The following ZFHX3 variants were observed in gnomAD, a reference collection of about 807,000 sequenced individuals.
ZFHX3 encodes zinc finger homeobox protein 3.
In ZFHX3, 42 loss-of-function variants were observed where a neutral mutation model predicts 279.1. That is an observed-to-expected ratio of 0.15 (90% CI 0.12 to 0.19). ZFHX3 has a LOEUF of 0.19. Among genes scored for constraint, ZFHX3 ranks in the 10% least tolerant of loss-of-function variants. The pLI, the probability that ZFHX3 is intolerant of heterozygous loss-of-function variation, is 1.00. For synonymous variants in ZFHX3, 2,293 were observed against 1,957.8 expected (o/e 1.17, Z -4.52); for missense variants, 4,981 against 4,754.0 (o/e 1.05, Z -1.40).
rs1961380372 is a variant in ZFHX3 at position 72,958,528 on chromosome 16, G to A, written c.1618C>T (p.Leu540Phe). Residue 540 changes from leucine to phenylalanine, a missense_variant, in exon 2 of 10, where the codon CTC becomes TTC. Around this residue, in one of 7 missense-constraint regions of ZFHX3, gnomAD observed 1,068 missense variants for 935.2 expected, o/e 1.14. Coordinates refer to ENST00000268489, the MANE Select transcript of ZFHX3 (RefSeq NM_006885.4). ...ISNSPLMPNV[L>F]QTLSRGTAST... is the part of the protein sequence containing the mutation. ...GCTGTGCCCCTCGACAGGGTCTGGA[G>A]CACGTTAGGCATTAAGGGGGAGTTA... 6 of 1,614,076 alleles carry A rather than the reference G, an allele frequency of 3.7e-6. No homozygotes were observed. Among genetic ancestry groups the A allele is most frequent in the East Asian group, 2.2e-5 (1 of 44,866 alleles).
At chr16:73,305,215 T>G (rs906624905) in intron 4 of ZFHX3, among the ~76,000 whole-genome samples, 9 of 152,066 alleles carry the variant, frequency 5.9e-5, no homozygotes, top group African/African-American at 2.2e-4. Flanking sequence ...CTGGGCAATT[T>G]CAGAGTCCTC....
At chr16:73,716,951 A>T (rs1297746939) in intron 1 of ZFHX3, among the ~76,000 whole-genome samples, 2 of 152,042 alleles carry the variant, frequency 1.3e-5, no homozygotes, top group South Asian at 4.2e-4. Context: ...GAGGTAAGGG[A>T]AGCGATGAAA....
At chr16:72,804,597 T>C (rs1354327651) in intron 7 of ZFHX3, among the ~76,000 whole-genome samples, 1 of 152,184 alleles carries the variant, frequency 6.6e-6, no homozygotes, top group Non-Finnish European at 1.5e-5. Flanking sequence ...TATTTTGGAT[T>C]ATGTTCTAAT....
At chr16:73,671,558 T>C (rs559157073) in intron 2 of ZFHX3, among the ~76,000 whole-genome samples, 1 of 152,378 alleles carries the variant, frequency 6.6e-6, no homozygotes, top group South Asian at 2.1e-4. Flanking sequence ...TATTAACAAA[T>C]TGGTTTTATT....
Position 73,502,517 on chromosome 16 carries a change from C to A in ZFHX3, c.-1546-46259G>T, listed in dbSNP as rs1251835757. ...TGGCCCAAAATGCTGTCCTGTCCTGCATGGTGTCTAACCACTCCAATCCTC... is the reference window on the plus strand; with the variant it reads ...TGGCCCAAAATGCTGTCCTGTCCTGAATGGTGTCTAACCACTCCAATCCTC... On this transcript the variant is annotated intron_variant, in intron 2 of 17. Coordinates refer to the ZFHX3 transcript ENST00000641206. Among the ~76,000 whole-genome samples the A allele has an allele frequency of 2.0e-5, 3 of 152,190 alleles. No homozygotes were observed. The East Asian group carries it at 5.8e-4, about 29-fold the overall frequency.
chr16:73,635,358 A>G (rs1203174445), intron 2 of ZFHX3, among the ~76,000 whole-genome samples: 1 of 152,168 alleles, frequency 6.6e-6, no homozygotes, highest in African/African-American at 2.4e-5. Flanking sequence ...TGGGTTATTA[A>G]CTACTCAACT....
chr16:73,226,333 G>A (rs1376474281), intron 5 of ZFHX3, among the ~76,000 whole-genome samples: 5 of 152,190 alleles, frequency 3.3e-5, no homozygotes, highest in East Asian at 1.9e-4. Context: ...TCACAGAAAC[G>A]GCTTCGTCCT....
At chr16:73,154,824 G>C (rs1205954715) in intron 5 of ZFHX3, among the ~76,000 whole-genome samples, 1 of 152,022 alleles carries the variant, frequency 6.6e-6, no homozygotes, top group African/African-American at 2.4e-5. Flanking sequence ...AAAATCAAAA[G>C]CAAAGATTGT....
intron 3 of ZFHX3, among the ~76,000 whole-genome samples, chr16:72,937,998 G>C (rs1960212070): frequency 6.6e-6 from 1 of 152,242 alleles, no homozygotes; most frequent in South Asian, 2.1e-4. Context: ...ATGTCTACTT[G>C]TGCTGCATTC....
chr16:73,232,671 T>C (rs1322073078), intron 5 of ZFHX3: 1 of 152,030 alleles, frequency 6.6e-6, no homozygotes, highest in Non-Finnish European at 1.5e-5. Flanking sequence ...AGTTTTGGTA[T>C]CTCCTACGTA....
intron 3 of ZFHX3, among the ~76,000 whole-genome samples, chr16:73,418,501 T>C (rs972284835): frequency 1.3e-5 from 2 of 152,252 alleles, no homozygotes; most frequent in African/African-American, 4.8e-5. Flanking sequence ...TTTCTGACAA[T>C]GAAATGTGTT....
chr16:72,799,308 C>T (rs1039405469), intron 8 of ZFHX3, among the ~76,000 whole-genome samples: 9 of 152,118 alleles, frequency 5.9e-5, no homozygotes, highest in Non-Finnish European at 1.0e-4. Flanking sequence ...TTCAAGTGTT[C>T]AATTATTTAA....
intron 4 of ZFHX3, among the ~76,000 whole-genome samples, chr16:73,270,384 G>A (rs1354741262): frequency 6.6e-6 from 1 of 152,152 alleles, no homozygotes; most frequent in African/African-American, 2.4e-5. Context: ...ACATAGCCAC[G>A]ACCACTGATG....
At chr16:73,842,064 A>T (rs957605592) in intron 1 of ZFHX3, among the ~76,000 whole-genome samples, 5 of 152,000 alleles carry the variant, frequency 3.3e-5, no homozygotes, top group African/African-American at 1.2e-4. Flanking sequence ...AAAAAAAAAA[A>T]AATTAGCCAG....
At chr16:73,507,287 G>A (rs1279519685) in intron 2 of ZFHX3, among the ~76,000 whole-genome samples, 2 of 152,116 alleles carry the variant, frequency 1.3e-5, no homozygotes, top group Non-Finnish European at 2.9e-5. Context: ...TGTGCTTACT[G>A]TATACACATA....
At chr16:73,326,332 T>G (rs2015688341) in intron 3 of ZFHX3, among the ~76,000 whole-genome samples, 1 of 152,182 alleles carries the variant, frequency 6.6e-6, no homozygotes, top group Non-Finnish European at 1.5e-5. Flanking sequence ...AATAACGGGC[T>G]AATGTTCAAC....
intron 1 of ZFHX3, among the ~76,000 whole-genome samples, chr16:73,833,756 T>A (rs940006187): frequency 2.0e-5 from 3 of 151,270 alleles, no homozygotes; most frequent in African/African-American, 7.3e-5. Flanking sequence ...AGTATAATTT[T>A]AAAAAATTAA....
Position 73,301,107 on chromosome 16 carries a change from A to C in ZFHX3, c.-1194+17133T>G, listed in dbSNP as rs138980590. On this transcript the variant is annotated intron_variant, in intron 4 of 17. Transcript: ENST00000641206. The stretch of plus-strand genomic sequence containing the variant: ...CAGCTATCTTTTTCCAGAAGTCTCA[A>C]ATCTGGTTGTGTATCAGAGTCCTTT... 1.6e-4 allele frequency among the ~76,000 whole-genome samples: 25 copies of C among 152,318 alleles called. No individual in the cohort carries two copies. The East Asian group carries it at 4.4e-3, about 27-fold the overall frequency.
intron 5 of ZFHX3, among the ~76,000 whole-genome samples, chr16:73,185,968 C>T (rs111628582): frequency 0.016 from 2,474 of 152,206 alleles, 42 homozygotes; most frequent in East Asian, 0.087. Context: ...AGATCAGCAG[C>T]GGCATGAGAT....
Sources: gnomAD v4.1 joint callset for allele counts (sites outside exome capture counted in the v4.1 genomes callset) on GRCh38, gnomAD v4.1.1 for gene constraint, gnomAD v4.1.1 regional missense constraint, MANE v1.5 for transcripts, NCBI Gene and HGNC (gene_info 2026-07-23, HGNC 2026-07-21) for gene names.